The following DTNB variants were observed in gnomAD, a reference collection of about 807,000 sequenced individuals.
The protein encoded by DTNB is dystrobrevin beta.
DTNB carries 63 observed loss-of-function variants against 90.7 expected under a neutral mutation model. The observed-to-expected ratio is 0.69, with a 90% CI of 0.57 to 0.86. The LOEUF is 0.86. Among genes scored for constraint, DTNB ranks in the 40% least tolerant of loss-of-function variants. The pLI is 0.00. For missense variants in DTNB, 744 were observed against 807.1 expected (o/e 0.92, Z 0.95); for synonymous variants, 277 against 286.7 (o/e 0.97, Z 0.34).
chr2:25,444,101 T>A (rs903871716), intron 12 of DTNB, among the ~76,000 whole-genome samples: 6 of 152,140 alleles, frequency 3.9e-5, no homozygotes, highest in African/African-American at 1.2e-4. Context: ...GAATTTTAAA[T>A]TTTTTTATAA....
At chr2:25,512,675 T>C (rs181470115) in intron 9 of DTNB, among the ~76,000 whole-genome samples, 6 of 152,274 alleles carry the variant, frequency 3.9e-5, no homozygotes, top group South Asian at 4.1e-4. Context: ...TTAAGGAAGG[T>C]TGCATGGACA....
chr2:25,438,270 A>C (rs2056487343), intron 12 of DTNB, among the ~76,000 whole-genome samples: 1 of 152,232 alleles, frequency 6.6e-6, no homozygotes, highest in Non-Finnish European at 1.5e-5. Flanking sequence ...ACACACAAAA[A>C]AACTAATGAT....
intron 10 of DTNB, among the ~76,000 whole-genome samples, chr2:25,456,460 T>C (rs765560289): frequency 2.0e-5 from 3 of 152,232 alleles, no homozygotes; most frequent in Admixed American, 6.5e-5. Context: ...TCTTAAAAAA[T>C]GTCCATTTAC....
intron 2 of DTNB, chr2:25,650,259 C>T: frequency 1.0e-6 from 1 of 984,772 alleles, no homozygotes; most frequent in Non-Finnish European, 1.2e-6. Context: ...CTTCCCTTTA[C>T]TAACATGGAA....
At chr2:25,524,569 T>G (rs1464511626) in intron 9 of DTNB, among the ~76,000 whole-genome samples, 1 of 152,090 alleles carries the variant, frequency 6.6e-6, no homozygotes, top group Non-Finnish European at 1.5e-5. Context: ...CAGTATCTGG[T>G]TCTCCTCTCC....
chr2:25,461,648 T>C (rs1282099404), intron 10 of DTNB, among the ~76,000 whole-genome samples: 3 of 152,134 alleles, frequency 2.0e-5, no homozygotes, highest in Admixed American at 6.5e-5. Context: ...TGATGGAAAT[T>C]GAGCACCTGA....
At chr2:25,579,762 T>C (rs1437487181) in intron 7 of DTNB, among the ~76,000 whole-genome samples, 1 of 152,132 alleles carries the variant, frequency 6.6e-6, no homozygotes, top group African/African-American at 2.4e-5. Context: ...TGGCTATTTT[T>C]CTTTAAATCA....
intron 11 of DTNB, among the ~76,000 whole-genome samples, chr2:25,451,884 G>T (rs2059347125): frequency 6.6e-6 from 1 of 152,194 alleles, no homozygotes; most frequent in African/African-American, 2.4e-5. Context: ...ACTTCATTTT[G>T]AATGCAAGGC....
At chr2:25,384,784 A>G (rs939459097) in intron 18 of DTNB, among the ~76,000 whole-genome samples, 1 of 152,198 alleles carries the variant, frequency 6.6e-6, no homozygotes, top group Non-Finnish European at 1.5e-5. Context: ...AGAGTTGATC[A>G]TGAATGAGCT....
At chr2:25,454,550 G>C (rs1158115313) in intron 11 of DTNB, among the ~76,000 whole-genome samples, 1 of 152,192 alleles carries the variant, frequency 6.6e-6, no homozygotes, top group Admixed American at 6.5e-5. Flanking sequence ...GATGGCTTTA[G>C]ATTGCTTAAA....
chr2:25,616,016 T>C (rs2148603300), intron 4 of DTNB, among the ~76,000 whole-genome samples: 2 of 152,358 alleles, frequency 1.3e-5, no homozygotes, highest in East Asian at 3.9e-4. Context: ...TTGTTGGCAG[T>C]GATAAATCAA....
At chr2:25,448,661 T>C (rs186780879) in intron 12 of DTNB, among the ~76,000 whole-genome samples, 7 of 152,216 alleles carry the variant, frequency 4.6e-5, no homozygotes, top group Admixed American at 2.0e-4. Context: ...GAGACCATCC[T>C]GGCTAACACG....
intron 3 of DTNB, among the ~76,000 whole-genome samples, chr2:25,633,263 G>A (rs1405354180): frequency 6.7e-6 from 1 of 149,334 alleles, no homozygotes; most frequent in African/African-American, 2.4e-5. Context: ...CAACCTCCCT[G>A]CCTGATTCTC....
At chr2:25,411,704 T>C (rs1208214135) in intron 16 of DTNB, among the ~76,000 whole-genome samples, 1 of 152,216 alleles carries the variant, frequency 6.6e-6, no homozygotes, top group Admixed American at 6.5e-5. Context: ...TGGCCCGGCT[T>C]GTGTTTCTGC....
At position 25,427,515 on chromosome 2, in the gene DTNB, C is replaced by T. The variant is rs768304008; in HGVS notation, c.1554+20G>A. On this transcript the variant is annotated intron_variant, in intron 15 of 20. Coordinates refer to ENST00000406818, the MANE Select transcript of DTNB (RefSeq NM_021907.5). ...TGGGAGAAGAATGACAAGAACTGAGCGTGGGCCACGGGCTCTTACCTTCAG... is the reference window on the plus strand; with the variant it reads ...TGGGAGAAGAATGACAAGAACTGAGTGTGGGCCACGGGCTCTTACCTTCAG... 6 of 1,611,286 alleles carry T rather than the reference C, an allele frequency of 3.7e-6. No homozygotes were observed. The highest frequency in any genetic ancestry group is 3.3e-5 in the Admixed American group (2 of 59,812).
chr2:25,559,548 T>C (rs2057932514), intron 8 of DTNB, among the ~76,000 whole-genome samples: 1 of 152,244 alleles, frequency 6.6e-6, no homozygotes, highest in Non-Finnish European at 1.5e-5. Flanking sequence ...GAGTCCAACA[T>C]TACTACTGTC....
intron 8 of DTNB, among the ~76,000 whole-genome samples, chr2:25,540,127 G>A (rs1054973065): frequency 3.9e-5 from 6 of 151,972 alleles, no homozygotes; most frequent in African/African-American, 1.2e-4. Flanking sequence ...CACTATCTTC[G>A]GCCCTTTGCA....
intron 9 of DTNB, among the ~76,000 whole-genome samples, chr2:25,510,648 C>T (rs900766509): frequency 1.3e-5 from 2 of 152,238 alleles, no homozygotes; most frequent in South Asian, 2.1e-4. Context: ...GCTGGGATTA[C>T]AGGCACCCGC....
intron 10 of DTNB, among the ~76,000 whole-genome samples, chr2:25,482,066 TTTC>T (rs2065081603): frequency 6.6e-6 from 1 of 152,230 alleles, no homozygotes; most frequent in South Asian, 2.1e-4. Context: ...TCTTTGTGGT[TTTC>T]TTGTTTCTGA....
Sources: gnomAD v4.1 joint callset for allele counts (sites outside exome capture counted in the v4.1 genomes callset) on GRCh38, gnomAD v4.1.1 for gene constraint, MANE v1.5 for transcripts, NCBI Gene and HGNC (gene_info 2026-07-23, HGNC 2026-07-21) for gene names.